Variants in ZNF554 observed in about 807,000 individuals in gnomAD.
ZNF554 encodes the protein zinc finger protein 554.
ZNF554 carries 15 observed loss-of-function variants against 21.2 expected under a neutral mutation model. The ratio of observed to expected loss-of-function variants is 0.71; its 90% CI spans 0.47 to 1.09. The LOEUF (loss-of-function observed/expected upper bound fraction) is 1.09, where lower values mean the gene tolerates loss of function less well. Ranked by LOEUF, ZNF554 falls within the 50% of genes least tolerant of loss-of-function variation. The pLI is 0.00. For synonymous variants in ZNF554, 258 were observed against 251.4 expected (o/e 1.03, Z -0.25); for missense variants, 691 against 662.7 (o/e 1.04, Z -0.47).
chr19:2,826,613 A>T (rs1398608792), intron 2 of ZNF554, among the ~76,000 whole-genome samples: 1 of 151,852 alleles, frequency 6.6e-6, no homozygotes, highest in Non-Finnish European at 1.5e-5. Flanking sequence ...TGTTGAAACA[A>T]CAAAGCTTTT....
rs1463164651 is a variant in ZNF554, at chr19:2,823,060, G to A, written c.74G>A (p.Cys25Tyr). The A allele has an allele frequency of 1.2e-6, 2 of 1,613,642 alleles. No individual in the cohort carries two copies. The highest frequency in any genetic ancestry group is 3.3e-5 in the Admixed American group (2 of 60,002). ...AAQPSACPGT[C>Y]FSQEERMAAG... is the part of the protein sequence containing the mutation. Reference sequence around the variant, plus strand: ...CACAGCTCTGCCTGCCCAGGAACCTGCTTTTCCCAAGAGGAGAGAATGGCT... The same window carrying A: ...CACAGCTCTGCCTGCCCAGGAACCTACTTTTCCCAAGAGGAGAGAATGGCT... The change falls in exon 2 of 5, where the codon TGC becomes TAC. Residue 25 changes from cysteine (C) to tyrosine (Y), a missense_variant. Cys to Tyr is a radical substitution (Grantham distance 194). Transcript: ENST00000317243.
intron 4 of ZNF554, 26 bp downstream of exon 4, chr19:2,832,520 T>C (rs771976588): frequency 7.5e-5 from 118 of 1,563,476 alleles, no homozygotes; most frequent in Middle Eastern, 1.7e-4. Context: ...ATAGAAACCA[T>C]TGGGATGGCA....
intron 2 of ZNF554, 27 bp downstream of exon 2, chr19:2,823,139 G>A: frequency 6.2e-7 from 1 of 1,604,988 alleles, no homozygotes; most frequent in Non-Finnish European, 8.5e-7. Flanking sequence ...CTCCCAAAGG[G>A]CACCCAGTAT....
intron 4 of ZNF554, among the ~76,000 whole-genome samples, chr19:2,832,934 A>C (rs1077653): frequency 0.22 from 33,267 of 151,832 alleles, 4,341 homozygotes; most frequent in East Asian, 0.47. Flanking sequence ...GAATTCTTGG[A>C]CTCAAGTGAT....
chr19:2,834,341 G>A lies in ZNF554; in HGVS notation c.1106G>A (p.Arg369His), dbSNP rs746927217. Residue 369 changes from arginine (R) to histidine (H), a missense_variant, in exon 5 of 5, where the codon CGC (arginine) becomes CAC (histidine). By Grantham distance (29) the Arg-to-His change is conservative (BLOSUM62 0). Coordinates refer to ENST00000317243, the MANE Select transcript of ZNF554 (RefSeq NM_001102651.2). ...RAFTHSSTLTRHLRTHTGEKP... is the reference protein window; with the variant it reads ...RAFTHSSTLTHHLRTHTGEKP... ...TTTACGCACAGCTCCACCCTCACGC[G>A]CCATCTGAGAACTCATACTGGAGAG... 3.4e-5 allele frequency: 55 copies of A among 1,613,842 alleles called. No homozygotes were observed. Among genetic ancestry groups the A allele is most frequent in the Admixed American group, 5.0e-5 (3 of 59,994 alleles).
At chr19:2,822,052 C>A (rs958483623) in intron 1 of ZNF554, among the ~76,000 whole-genome samples, 2 of 151,420 alleles carry the variant, frequency 1.3e-5, no homozygotes, top group African/African-American at 4.9e-5. Flanking sequence ...TTCTTCTTTT[C>A]CTTATCTTTT....
At position 2,833,879 on chromosome 19, in the gene ZNF554, AGGCTACTGCATGGCATGGATTT is replaced by A; in HGVS notation, c.647_668del (p.Ala216GlyfsTer6). On this transcript the variant is annotated frameshift_variant, in exon 5 of 5. Transcript: ENST00000317243. LOFTEE classifies it low-confidence loss of function (END_TRUNC). ...CACGTAGTGGCCGTTCCTCAGGAGA[AGGCTACTGCATGGCATGGATTT>A]GGGGAAAATGGTAATCTGAGCCCAG... 6.2e-7 allele frequency: 1 copy of A among 1,613,330 alleles called. No homozygotes were observed. The highest frequency in any genetic ancestry group is 8.5e-7 in the Non-Finnish European group (1 of 1,179,398).
chr19:2,834,895 A>G lies in ZNF554; in HGVS notation c.*43A>G. 6.7e-7 allele frequency: 1 copy of G among 1,502,856 alleles called. No homozygotes were observed. The highest frequency in any genetic ancestry group is 9.0e-7 in the Non-Finnish European group (1 of 1,113,650). The allele number at this position is 1,502,856 out of a possible 1,614,324, so 93.1% of individuals were successfully genotyped here. ...GTAAGCCACTTTTTAGTACTCTGAC[A>G]CATACATGTGGTTATCTTTTGCCCT... On this transcript the variant is annotated 3_prime_UTR_variant, in exon 5 of 5. Coordinates refer to ENST00000317243, the MANE Select transcript of ZNF554 (RefSeq NM_001102651.2).
At chr19:2,820,171 C>G (rs892119879) in intron 1 of ZNF554, 47 bp downstream of exon 1, 2 of 1,215,536 alleles carry the variant, frequency 1.6e-6, no homozygotes, top group African/African-American at 1.6e-5. Context: ...CCGGGCCTGC[C>G]GGGGCTCTGG....
In ZNF554 at chr19:2,819,874, G is replaced by C. The variant is rs2087238531; in HGVS notation, c.-198G>C. ...GTTCGGGGTGCGCAGGCGCAGTGCC[G>C]AGTTTACCTCTGCGCGCGTCGGGGT... On this transcript the variant is annotated 5_prime_UTR_variant, in exon 1 of 5. Coordinates refer to ENST00000317243, the MANE Select transcript of ZNF554 (RefSeq NM_001102651.2). 4 of 323,742 alleles carry C rather than the reference G, an allele frequency of 1.2e-5. No individual in the cohort carries two copies. Among genetic ancestry groups the C allele is most frequent in the Non-Finnish European group, 1.7e-5 (3 of 181,778 alleles). The allele number at this position is 323,742 out of a possible 1,614,324, so 20.1% of individuals were successfully genotyped here.
chr19:2,820,684 CTT>C (rs762586098), intron 1 of ZNF554, among the ~76,000 whole-genome samples: 15 of 103,154 alleles, frequency 1.5e-4, no homozygotes, highest in Admixed American at 2.0e-4. Context: ...AGCAAGGGTC[CTT>C]TTTTTTTTTT....
chr19:2,820,227 C>G (rs1423026942), intron 1 of ZNF554, 103 bp downstream of exon 1: 1 of 1,068,160 alleles, frequency 9.4e-7, no homozygotes, highest in Non-Finnish European at 1.2e-6. Context: ...ATGACCCTGT[C>G]GCGATAGGGT....
At chr19:2,826,810 C>T (rs1184501684) in intron 2 of ZNF554, among the ~76,000 whole-genome samples, 1 of 151,978 alleles carries the variant, frequency 6.6e-6, no homozygotes, top group Non-Finnish European at 1.5e-5. Flanking sequence ...TACAGGCGCC[C>T]GCCATCATGC....
rs774232983 is a variant in ZNF554, at chr19:2,834,477, G to A, written c.1242G>A (p.Gly414=). 1 of 1,614,108 alleles carries A rather than the reference G, an allele frequency of 6.2e-7. No individual in the cohort carries two copies. The change falls in exon 5 of 5, where the codon GGG becomes GGA. Residue 414 remains glycine, a synonymous_variant. Transcript: ENST00000317243. Reference sequence around the variant, plus strand: ...AGCCCTATAAATGTGAAGACTGTGGGAAATCCTTCTGCCAGAGCTCTTACC... The same window carrying A: ...AGCCCTATAAATGTGAAGACTGTGGAAAATCCTTCTGCCAGAGCTCTTACC... ...GEKPYKCEDC[G]KSFCQSSYLI...
chr19:2,834,268 A>G lies in ZNF554; in HGVS notation c.1033A>G (p.Ile345Val), dbSNP rs1416230881. The change falls in exon 5 of 5, where the codon ATT becomes GTT. Residue 345 changes from isoleucine (I) to valine (V), a missense_variant. Physicochemically the swap from Ile to Val is conservative, Grantham distance 29. Transcript: ENST00000317243. ...GCATTCTTTGAGCGAACATCAAAGA[A>G]TTCACACGGGGGAGAAACCCTACGA... is the stretch of plus-strand genomic sequence containing the variant. The part of the protein sequence containing the change: ...RRHSLSEHQR[I>V]HTGEKPYECQ... The G allele has an allele frequency of 6.2e-7, 1 of 1,614,028 alleles. No homozygotes were observed. The highest frequency in any genetic ancestry group is 8.5e-7 in the Non-Finnish European group (1 of 1,180,054).
chr19:2,832,123 A>T (rs1432582589), intron 3 of ZNF554, 180 bp from the exon 4 acceptor site: 1 of 466,770 alleles, frequency 2.1e-6, no homozygotes, highest in Non-Finnish European at 3.7e-6. Flanking sequence ...ATGGGGTTTT[A>T]CCATGTTGGC....
At chr19:2,828,440 C>G (rs1008967631) in intron 3 of ZNF554, among the ~76,000 whole-genome samples, 5 of 152,082 alleles carry the variant, frequency 3.3e-5, no homozygotes, top group African/African-American at 1.2e-4. Flanking sequence ...TGCCTGTTAT[C>G]CAAGCACTTA....
chr19:2,827,695 C>A lies in ZNF554; in HGVS notation c.205C>A (p.Leu69Met). ...WELLEPAQKNLYREVMLENYR... is the reference protein window; with the variant it reads ...WELLEPAQKNMYREVMLENYR... ...GTTGCTGGAGCCTGCTCAGAAGAAC[C>A]TGTACAGAGAGGTGATGCTGGAGAA... The change falls in exon 3 of 5, where the codon CTG becomes ATG. Residue 69 changes from leucine to methionine, a missense_variant. Physicochemically the swap from Leu to Met is conservative, Grantham distance 15. Transcript: ENST00000317243. The A allele has an allele frequency of 6.2e-7, 1 of 1,614,088 alleles. No individual in the cohort carries two copies. Among genetic ancestry groups the A allele is most frequent in the Non-Finnish European group, 8.5e-7 (1 of 1,179,996 alleles).
intron 1 of ZNF554, among the ~76,000 whole-genome samples, chr19:2,820,939 C>T (rs1212847218): frequency 1.3e-5 from 2 of 151,596 alleles, no homozygotes; most frequent in Non-Finnish European, 2.9e-5. Flanking sequence ...GCTGGGATTA[C>T]AGGCGTGAGC....
Sources: allele counts gnomAD v4.1 joint callset (sites outside exome capture counted in the v4.1 genomes callset), GRCh38; gene constraint gnomAD v4.1.1; transcripts MANE v1.5; gene names NCBI Gene and HGNC (gene_info 2026-07-23, HGNC 2026-07-21).